AZGP1: variants seen among roughly 807,000 people sequenced by gnomAD.
AZGP1 encodes alpha-2-glycoprotein 1, zinc-binding, also known as zinc-alpha-2-glycoprotein.
AZGP1 carries 28 observed loss-of-function variants against 31.5 expected under a neutral mutation model. The ratio of observed to expected loss-of-function variants is 0.89; its 90% CI spans 0.66 to 1.22. The LOEUF (loss-of-function observed/expected upper bound fraction) is 1.22. Among genes scored for constraint, AZGP1 ranks in the 50% most tolerant of loss-of-function variants. The pLI is 0.00. For synonymous variants in AZGP1, 135 were observed against 145.4 expected (o/e 0.93, Z 0.51); for missense variants, 361 against 371.8 (o/e 0.97, Z 0.24).
chr7:99,973,776 C>A (rs139381992), intron 1 of AZGP1, among the ~76,000 whole-genome samples: 6 of 150,944 alleles, frequency 4.0e-5, no homozygotes, highest in East Asian at 2.0e-4. Context: ...ATTAGCCGGG[C>A]GTGGTGGCAC....
chr7:99,975,673 C>G (rs1789649383), intron 1 of AZGP1, among the ~76,000 whole-genome samples: 1 of 152,180 alleles, frequency 6.6e-6, no homozygotes, highest in African/African-American at 2.4e-5. Context: ...CTGTCTACCC[C>G]AAGCAGGTCG....
chr7:99,974,076 C>G (rs1427451963), intron 1 of AZGP1, among the ~76,000 whole-genome samples: 1 of 151,684 alleles, frequency 6.6e-6, no homozygotes, highest in East Asian at 1.9e-4. Flanking sequence ...AGGTCAAGAC[C>G]AGTCTAGCCA....
chr7:99,969,800 T>G (rs1789549531), intron 2 of AZGP1, among the ~76,000 whole-genome samples: 1 of 152,156 alleles, frequency 6.6e-6, no homozygotes, highest in Non-Finnish European at 1.5e-5. Flanking sequence ...TATCATCACC[T>G]AAGTAACCCT....
In AZGP1 at chr7:99,967,056, C is replaced by T. The variant is rs552321490; in HGVS notation, c.844G>A (p.Val282Met). 8 of 1,614,200 alleles carry T rather than the reference C, an allele frequency of 5.0e-6. No homozygotes were observed. The highest frequency in any genetic ancestry group is 1.1e-5 in the South Asian group (1 of 91,084). Reference sequence around the variant, plus strand: ...GGCTGGGCCAGGCTGCTGTGCTGCACGTGGCAGGAGTAGGGGGCTGTGTCC... The same window carrying T: ...GGCTGGGCCAGGCTGCTGTGCTGCATGTGGCAGGAGTAGGGGGCTGTGTCC... ...PQDTAPYSCH[V>M]QHSSLAQPLV... Residue 282 changes from valine to methionine, a missense_variant, in exon 4 of 4, where the codon GTG (valine) becomes ATG (methionine). Val to Met is a conservative substitution (Grantham distance 21). Transcript: ENST00000292401.
intron 3 of AZGP1, chr7:99,967,879 C>T (rs1041081778): frequency 3.3e-5 from 20 of 599,768 alleles, no homozygotes; most frequent in Non-Finnish European, 5.0e-5. Flanking sequence ...ACCTCCCTAA[C>T]CTCAAGCTCC....
chr7:99,971,409 G>T (rs527451806), intron 2 of AZGP1, among the ~76,000 whole-genome samples: 1 of 152,286 alleles, frequency 6.6e-6, no homozygotes, highest in African/African-American at 2.4e-5. Context: ...CAACCTCCCT[G>T]GACAGGGGTG....
chr7:99,968,552 C>CA, intron 2 of AZGP1, 122 bp from the exon 3 acceptor site: 1 of 1,230,508 alleles, frequency 8.1e-7, no homozygotes, highest in Middle Eastern at 2.2e-4. Flanking sequence ...TTCAAGCATG[C>CA]AATCCCTTTA....
chr7:99,973,536 G>T (rs1352203539), intron 1 of AZGP1, among the ~76,000 whole-genome samples: 15 of 152,054 alleles, frequency 9.9e-5, no homozygotes, highest in Admixed American at 9.8e-4. Flanking sequence ...GCAGGGTTGG[G>T]GGGAAATTGG....
intron 3 of AZGP1, 131 bp from the exon 4 acceptor site, chr7:99,967,417 C>G (rs1789503057): frequency 9.5e-7 from 1 of 1,048,178 alleles, no homozygotes; most frequent in Admixed American, 2.8e-5. Context: ...ACCCCCAGCC[C>G]CGGGAGACTT....
Position 99,971,996 on chromosome 7 carries a change from A to G in AZGP1, c.87T>C (p.Ser29=). The G allele has an allele frequency of 1.9e-6, 3 of 1,606,936 alleles. No individual in the cohort carries two copies. The highest frequency in any genetic ancestry group is 2.6e-6 in the Non-Finnish European group (3 of 1,176,336). The change falls in exon 2 of 4, where the codon TCT becomes TCC. Residue 29 remains serine, a synonymous_variant. Coordinates refer to ENST00000292401, the MANE Select transcript of AZGP1 (RefSeq NM_001185.4). ...ACAGCCCAGTGTAGATATAGGTCAG[A>G]GAGTAACGACCTGCAAAAGAAAAGA... The part of the protein sequence containing the change: ...VPQENQDGRY[S]LTYIYTGLSK...
At position 99,975,853 on chromosome 7, in the gene AZGP1, C is replaced by T. The variant is rs560526093; in HGVS notation, c.76+92G>A. The T allele has an allele frequency of 5.0e-6, 7 of 1,410,658 alleles. No homozygotes were observed. In the African/African-American group the frequency reaches 9.9e-5, roughly 20 times the overall value. 87.4% of individuals were successfully genotyped at this position (1,410,658 alleles called of 1,614,324 possible). ...ATTCCTGCCGTATGCCAGGGTATCC[C>T]AGCTGCATCCAGCCTGTCTCCCAGC... On this transcript the variant is annotated intron_variant, in intron 1 of 3. Transcript: ENST00000292401.
chr7:99,969,744 G>A (rs1186993392), intron 2 of AZGP1, among the ~76,000 whole-genome samples: 1 of 152,192 alleles, frequency 6.6e-6, no homozygotes, highest in Non-Finnish European at 1.5e-5. Flanking sequence ...GATTTCATAT[G>A]AGTAAAGGAA....
intron 2 of AZGP1, among the ~76,000 whole-genome samples, chr7:99,970,023 G>A (rs1253581363): frequency 6.6e-6 from 1 of 152,108 alleles, no homozygotes; most frequent in African/African-American, 2.4e-5. Context: ...AGCTGTCTGG[G>A]CTCACGTCCC....
At chr7:99,970,355 T>C (rs926892597) in intron 2 of AZGP1, among the ~76,000 whole-genome samples, 1 of 152,140 alleles carries the variant, frequency 6.6e-6, no homozygotes, top group Non-Finnish European at 1.5e-5. Flanking sequence ...GCAATTCTCC[T>C]GCCTCAGCCT....
At chr7:99,968,101 T>G in intron 3 of AZGP1, 54 bp downstream of exon 3, 101 of 1,593,692 alleles carry the variant, frequency 6.3e-5, no homozygotes, top group Middle Eastern at 3.3e-4. Flanking sequence ...GCTCCTAGCC[T>G]GAGATCGTCT....
At chr7:99,969,808 C>T (rs1163872657) in intron 2 of AZGP1, among the ~76,000 whole-genome samples, 2 of 152,072 alleles carry the variant, frequency 1.3e-5, no homozygotes, top group African/African-American at 4.8e-5. Flanking sequence ...CCTAAGTAAC[C>T]CTAATCTGAT....
intron 1 of AZGP1, among the ~76,000 whole-genome samples, chr7:99,973,565 CA>C (rs199876616): frequency 2.0e-5 from 3 of 151,098 alleles, no homozygotes; most frequent in Admixed American, 6.6e-5. Context: ...TTAATGGGTA[CA>C]AAAAAAATAG....
Position 99,970,330 on chromosome 7 carries a change from G to C in AZGP1, c.337+1416C>G, listed in dbSNP as rs1433286089. Among the ~76,000 whole-genome samples, 6 of 152,088 alleles carry C rather than the reference G, an allele frequency of 3.9e-5. No homozygotes were observed. In the East Asian group the frequency reaches 9.6e-4, roughly 24 times the overall value. On this transcript the variant is annotated intron_variant, in intron 2 of 3. Coordinates refer to ENST00000292401, the MANE Select transcript of AZGP1 (RefSeq NM_001185.4). ...AGGATTTTGGCTCACTGTAACCTCT[G>C]CCTCCTGGGTTCAAGCAATTCTCCT... is the stretch of plus-strand genomic sequence containing the variant.
intron 2 of AZGP1, among the ~76,000 whole-genome samples, chr7:99,969,925 G>A (rs1330239630): frequency 1.3e-5 from 2 of 152,170 alleles, no homozygotes; most frequent in Admixed American, 1.3e-4. Context: ...TCATAGGGCA[G>A]GGGACACAGC....
Sources: gnomAD v4.1 joint callset for allele counts (sites outside exome capture counted in the v4.1 genomes callset) on GRCh38, gnomAD v4.1.1 for gene constraint, MANE v1.5 for transcripts, NCBI Gene and HGNC (gene_info 2026-07-23, HGNC 2026-07-21) for gene names.